Variants in KANTR observed in about 807,000 individuals in gnomAD.
KANTR encodes KDM5C adjacent transcript.
intron 2 of KANTR, among the ~76,000 whole-genome samples, chrX:53,101,868 G>A (rs183682341): frequency 3.5e-4 from 39 of 110,919 alleles, no homozygotes; most frequent in African/African-American, 9.2e-4. Flanking sequence ...GTGCTGTGGC[G>A]TGCGCCGCTA....
chrX:53,094,748 C>T (rs1556810576), intron 1 of KANTR: 1 of 112,021 alleles, frequency 8.9e-6, no homozygotes, highest in Non-Finnish European at 1.9e-5. Context: ...CCTCATCTGC[C>T]AAATGGGGGT....
At chrX:53,106,366 A>G (rs1802523453) in intron 2 of KANTR, among the ~76,000 whole-genome samples, 1 of 109,672 alleles carries the variant, frequency 9.1e-6, no homozygotes, top group African/African-American at 3.4e-5. Flanking sequence ...TAGGAATTTT[A>G]TCGTTTTAGC....
chrX:53,135,772 G>T (rs942353178), intron 2 of KANTR, among the ~76,000 whole-genome samples: 4 of 111,785 alleles, frequency 3.6e-5, no homozygotes, highest in African/African-American at 9.8e-5. Context: ...AGAAGTCCCA[G>T]CCAACTTGTG....
downstream of KANTR, among the ~76,000 whole-genome samples, chrX:53,128,794 G>T (rs974860721): frequency 9.2e-6 from 1 of 108,473 alleles, no homozygotes; most frequent in Non-Finnish European, 1.9e-5. Flanking sequence ...TTTTTTTAGC[G>T]ATTGGCCTTG....
intron 2 of KANTR, among the ~76,000 whole-genome samples, chrX:53,138,693 G>A (rs1556818016): frequency 9.6e-6 from 1 of 104,389 alleles, no homozygotes; most frequent in African/African-American, 3.5e-5. Flanking sequence ...CAACAAGAGC[G>A]AAATTCTGTC....
intron 2 of KANTR, among the ~76,000 whole-genome samples, chrX:53,110,658 C>T (rs1320595813): frequency 8.9e-6 from 1 of 112,114 alleles, no homozygotes; most frequent in East Asian, 2.8e-4. Flanking sequence ...GGCGCCGTGG[C>T]TCACGCCTGT....
chrX:53,118,186 T>C (rs1933162262), intron 2 of KANTR, among the ~76,000 whole-genome samples: 1 of 111,834 alleles, frequency 8.9e-6, no homozygotes, highest in Non-Finnish European at 1.9e-5. Context: ...AATGTGATTG[T>C]TGATTAATAG....
chrX:53,145,434 A>G (rs946486023), downstream of KANTR, among the ~76,000 whole-genome samples: 1 of 111,878 alleles, frequency 8.9e-6, no homozygotes, highest in Admixed American at 9.4e-5. Flanking sequence ...CTCAAACTGC[A>G]AGGTGGCAGC....
chrX:53,141,680 T>A (rs1310680405), intron 2 of KANTR, among the ~76,000 whole-genome samples: 1 of 60,279 alleles, frequency 1.7e-5, no homozygotes, highest in Non-Finnish European at 3.7e-5. Context: ...TTATTGGATT[T>A]TTTTTTAACG....
chrX:53,096,195 T>C (rs1932843715), intron 1 of KANTR, among the ~76,000 whole-genome samples: 1 of 111,594 alleles, frequency 9.0e-6, no homozygotes, highest in Non-Finnish European at 1.9e-5. Context: ...ATTAACTGCT[T>C]AGTATGTTTG....
chrX:53,135,585 G>T (rs1297358982), intron 2 of KANTR, among the ~76,000 whole-genome samples: 1 of 112,196 alleles, frequency 8.9e-6, no homozygotes, highest in Non-Finnish European at 1.9e-5. Flanking sequence ...CTTCATTGAG[G>T]TATGTGCCTT....
Position 53,097,350 on chromosome X carries a change from G to GTTTTTTTTTT in KANTR, c.-941-2111_-941-2102dup, listed in dbSNP as rs781783647. Among the ~76,000 whole-genome samples, 28 of 67,994 alleles carry GTTTTTTTTTT rather than the reference G, an allele frequency of 4.1e-4. 1 individual carries two copies. The highest frequency in any genetic ancestry group is 9.6e-4 in the Admixed American group (4 of 4,172). The allele number at this position is 67,994 out of a possible 115,157, so 59.0% of individuals were successfully genotyped here. A position where few individuals can be genotyped will look rare whatever the true frequency, so the allele number is the denominator to read the frequency against. On this transcript the variant is annotated intron_variant, in intron 1 of 2. Transcript: ENST00000604062. ...ACAACCCTTTTTTCATTTGTTTTAAGTTTTTTTTTTTTTTTTTTTTGAGAC... is the reference window on the plus strand; with the variant it reads ...ACAACCCTTTTTTCATTTGTTTTAAGTTTTTTTTTTTTTTTTTTTTTTTTTTTTTTGAGAC...
downstream of KANTR, chrX:53,143,946 A>G (rs1933538235): frequency 9.4e-6 from 3 of 320,602 alleles, no homozygotes; most frequent in South Asian, 1.3e-4. Context: ...CGGTGGAGCC[A>G]TGGGAAGACA....
downstream of KANTR, among the ~76,000 whole-genome samples, chrX:53,147,515 A>G (rs1182739768): frequency 9.0e-6 from 1 of 111,326 alleles, no homozygotes; most frequent in East Asian, 2.8e-4. Flanking sequence ...ACACAATAAT[A>G]ATGGGAGACT....
At chrX:53,100,753 G>A (rs782275671) in intron 2 of KANTR, among the ~76,000 whole-genome samples, 2 of 108,951 alleles carry the variant, frequency 1.8e-5, no homozygotes, top group South Asian at 3.9e-4. Context: ...AGCCGAGATC[G>A]CACCACTGCA....
At chrX:53,116,414 A>G (rs1488276106) in intron 2 of KANTR, among the ~76,000 whole-genome samples, 3 of 112,111 alleles carry the variant, frequency 2.7e-5, no homozygotes, top group Non-Finnish European at 3.8e-5. Context: ...TGGCGTGCAT[A>G]TAGCCTTGAG....
chrX:53,142,331 TTTG>T, exon 3 of KANTR: 1 of 114,517 alleles, frequency 8.7e-6, no homozygotes, highest in Non-Finnish European at 1.8e-5. Context: ...TTTTTTTTTT[TTTG>T]AGACGTAGTC....
Position 53,136,693 on chromosome X carries a change from C to CATATATATAT in KANTR, n.204-5126_204-5117dup, listed in dbSNP as rs58263602. ...TACAGGCAAGATCTACCACGCCCGG[C>CATATATATAT]ATATATATATATATATATATATATA... On this transcript the variant is annotated intron_variant and non_coding_transcript_variant, in intron 2 of 2. Coordinates refer to the KANTR transcript ENST00000366185. Among the ~76,000 whole-genome samples the CATATATATAT allele has an allele frequency of 8.6e-3, 80 of 9,297 alleles. 3 individuals carry two copies. The highest frequency in any genetic ancestry group is 0.011 in the Non-Finnish European group (30 of 2,709). The allele number at this position is 9,297 out of a possible 115,157, so 8.1% of individuals were successfully genotyped here.
intron 1 of KANTR, among the ~76,000 whole-genome samples, chrX:53,097,992 A>C (rs1932858981): frequency 1.0e-5 from 1 of 100,111 alleles, no homozygotes; most frequent in Admixed American, 1.1e-4. Flanking sequence ...CAGACGTTGC[A>C]GTGAGCTGAG....
Sources: allele counts gnomAD v4.1 joint callset (sites outside exome capture counted in the v4.1 genomes callset), GRCh38; gene constraint gnomAD v4.1.1; transcripts MANE v1.5; gene names NCBI Gene and HGNC (gene_info 2026-07-23, HGNC 2026-07-21).